Variants in NUDT3 observed in about 807,000 individuals in gnomAD.
NUDT3 encodes diphosphoinositol polyphosphate phosphohydrolase 1.
NUDT3 carries 9 observed loss-of-function variants against 23.6 expected under a neutral mutation model. The ratio of observed to expected loss-of-function variants is 0.38; its 90% CI spans 0.23 to 0.66. The LOEUF is 0.66. NUDT3 is among the 30% of genes least tolerant of loss of function. The pLI, the probability that NUDT3 is intolerant of heterozygous loss-of-function variation, is 0.52. For missense variants in NUDT3, 172 were observed against 218.5 expected (o/e 0.79, Z 1.34); for synonymous variants, 86 against 82.6 (o/e 1.04, Z -0.22).
In NUDT3 at chr6:34,315,199, T is replaced by G. The variant is rs1194323092; in HGVS notation, c.211-19514A>C. 2.0e-5 allele frequency among the ~76,000 whole-genome samples: 3 copies of G among 152,228 alleles called. No individual in the cohort carries two copies. The East Asian group carries it at 5.8e-4, about 29-fold the overall frequency. ...GGGGGAACAAACACTTAAGAAAAAC[T>G]GGTTTTGAATTCTTAAGTGATTCTG... On this transcript the variant is annotated intron_variant, in intron 2 of 4. Transcript: ENST00000607016.
chr6:34,382,815 A>G (rs1260224336), intron 1 of NUDT3, among the ~76,000 whole-genome samples: 2 of 151,364 alleles, frequency 1.3e-5, no homozygotes, highest in Non-Finnish European at 1.5e-5. Context: ...TGGATGACAG[A>G]GCAAGACCCT....
At chr6:34,372,276 G>A (rs1764844536) in intron 1 of NUDT3, among the ~76,000 whole-genome samples, 2 of 152,106 alleles carry the variant, frequency 1.3e-5, no homozygotes, top group South Asian at 2.1e-4. Context: ...GGATGGCTGG[G>A]TCAAATGGTA....
intron 2 of NUDT3, among the ~76,000 whole-genome samples, chr6:34,336,055 G>C (rs1337685737): frequency 6.6e-6 from 1 of 152,038 alleles, no homozygotes; most frequent in East Asian, 1.9e-4. Flanking sequence ...GACTGCCTAA[G>C]GTCAGGAGTT....
chr6:34,313,388 A>G (rs1200620115), intron 2 of NUDT3, among the ~76,000 whole-genome samples: 1 of 152,152 alleles, frequency 6.6e-6, no homozygotes, highest in East Asian at 1.9e-4. Flanking sequence ...GGATTTTTAT[A>G]GGGCAGTGAA....
At chr6:34,379,559 CAA>C (rs375414799) in intron 1 of NUDT3, among the ~76,000 whole-genome samples, 1 of 143,204 alleles carries the variant, frequency 7.0e-6, no homozygotes, top group Non-Finnish European at 1.5e-5. Context: ...GACTCCATCT[CAA>C]AAAAAAAAAG....
intron 1 of NUDT3, among the ~76,000 whole-genome samples, chr6:34,358,245 T>C (rs180758592): frequency 6.8e-6 from 1 of 147,752 alleles, no homozygotes; most frequent in Non-Finnish European, 1.5e-5. Context: ...ACTCAGAAAC[T>C]GCATGAGTAG....
intron 2 of NUDT3, among the ~76,000 whole-genome samples, chr6:34,318,183 C>T (rs1362194490): frequency 6.6e-6 from 1 of 152,056 alleles, no homozygotes; most frequent in Non-Finnish European, 1.5e-5. Context: ...CAAATATATC[C>T]CTTTAGAATT....
At chr6:34,345,951 T>C (rs1561913486) in intron 1 of NUDT3, among the ~76,000 whole-genome samples, 1 of 151,808 alleles carries the variant, frequency 6.6e-6, no homozygotes, top group South Asian at 2.1e-4. Context: ...GTATTTTTAG[T>C]AGAGATGGGG....
rs1407734602 is a variant in NUDT3, at chr6:34,354,461, G to A, written c.100-12489C>T. Among the ~76,000 whole-genome samples the A allele has an allele frequency of 4.0e-5, 6 of 150,102 alleles. No homozygotes were observed. In the East Asian group the frequency reaches 9.9e-4, roughly 25 times the overall value. On this transcript the variant is annotated intron_variant, in intron 1 of 4. Coordinates refer to ENST00000607016, the MANE Select transcript of NUDT3 (RefSeq NM_006703.4). ...CTCTTGGCCGGGCACAGTGGCTCAC[G>A]CCTGTAATCTCAACACTCTGGGAGG...
At chr6:34,341,391 A>G (rs920442356) in intron 2 of NUDT3, among the ~76,000 whole-genome samples, 2 of 152,134 alleles carry the variant, frequency 1.3e-5, no homozygotes, top group Non-Finnish European at 2.9e-5. Context: ...AGAAGATACT[A>G]TTCTCTCTCA....
chr6:34,389,218 G>A, intron 1 of NUDT3, among the ~76,000 whole-genome samples: 1 of 152,088 alleles, frequency 6.6e-6, no homozygotes, highest in Non-Finnish European at 1.5e-5. Flanking sequence ...CTGGATCATG[G>A]GGAGTTTCCC....
chr6:34,288,840 C>A lies in NUDT3; in HGVS notation c.432G>T (p.Arg144Ser). The A allele has an allele frequency of 6.2e-7, 1 of 1,614,086 alleles. No individual in the cohort carries two copies. Among genetic ancestry groups the A allele is most frequent in the South Asian group, 1.1e-5 (1 of 91,074 alleles). The change falls in exon 5 of 5, where the codon AGG becomes AGT. Residue 144 changes from arginine (R) to serine (S), a missense_variant. By Grantham distance (110) the Arg-to-Ser change is moderately radical. This residue lies in a region of NUDT3 where 63 missense variants were observed against 64.9 expected (regional missense o/e 0.97). Coordinates refer to ENST00000607016, the MANE Select transcript of NUDT3 (RefSeq NM_006703.4). ...TGCCATTGTTGGCTGAGTAGCCTTGCCTCAATGTTTCAAAATATGATGCCT... is the reference window on the plus strand; with the variant it reads ...TGCCATTGTTGGCTGAGTAGCCTTGACTCAATGTTTCAAAATATGATGCCT... ...PVQASYFETL[R>S]QGYSANNGTP...
At chr6:34,314,233 G>A (rs1342479079) in intron 2 of NUDT3, among the ~76,000 whole-genome samples, 2 of 151,750 alleles carry the variant, frequency 1.3e-5, no homozygotes, top group East Asian at 3.9e-4. Context: ...GACCAACCTG[G>A]CCAATATGGC....
intron 2 of NUDT3, among the ~76,000 whole-genome samples, chr6:34,303,473 G>A (rs988775653): frequency 2.0e-5 from 3 of 151,856 alleles, no homozygotes; most frequent in African/African-American, 7.3e-5. Context: ...AATTGCAGTG[G>A]CTAGGATCAC....
chr6:34,351,587 C>G (rs1444601174), intron 1 of NUDT3, among the ~76,000 whole-genome samples: 2 of 149,098 alleles, frequency 1.3e-5, no homozygotes, highest in Non-Finnish European at 3.0e-5. Flanking sequence ...ACTAAAAATA[C>G]AAAAATTAGC....
intron 1 of NUDT3, among the ~76,000 whole-genome samples, chr6:34,345,406 G>T (rs1411750924): frequency 6.6e-6 from 1 of 151,698 alleles, no homozygotes; most frequent in Admixed American, 6.6e-5. Context: ...GCTCACGGCT[G>T]TAATCCCAGC....
chr6:34,330,696 G>C (rs1480875658), intron 2 of NUDT3, among the ~76,000 whole-genome samples: 2 of 152,048 alleles, frequency 1.3e-5, no homozygotes, highest in African/African-American at 4.8e-5. Flanking sequence ...AGCTACTCAG[G>C]AGGCCAAGGT....
intron 1 of NUDT3, among the ~76,000 whole-genome samples, chr6:34,384,563 G>A (rs1385303105): frequency 1.3e-5 from 2 of 152,160 alleles, no homozygotes; most frequent in Non-Finnish European, 2.9e-5. Context: ...AAAAAGGAAA[G>A]GCTGGGGGAA....
At chr6:34,296,984 T>C (rs1284864565) in intron 2 of NUDT3, among the ~76,000 whole-genome samples, 1 of 146,970 alleles carries the variant, frequency 6.8e-6, no homozygotes, top group Non-Finnish European at 1.5e-5. Flanking sequence ...CAGGCTGGAG[T>C]GCAGTGGTGT....
Sources: allele counts gnomAD v4.1 joint callset (sites outside exome capture counted in the v4.1 genomes callset), GRCh38; gene constraint gnomAD v4.1.1; regional missense constraint gnomAD v4.1.1; transcripts MANE v1.5; gene names NCBI Gene and HGNC (gene_info 2026-07-23, HGNC 2026-07-21).